Variants in TMUB2 observed in about 807,000 individuals in gnomAD.
TMUB2 encodes transmembrane and ubiquitin like domain containing 2.
A neutral mutation model predicts 20.2 loss-of-function variants in TMUB2; 19 were observed. The observed-to-expected ratio is 0.94, with a 90% CI of 0.66 to 1.38. The LOEUF (loss-of-function observed/expected upper bound fraction) is 1.38, where lower values mean the gene tolerates loss of function less well. TMUB2 is among the 40% of genes most tolerant of loss of function. The pLI is 0.00. For synonymous variants in TMUB2, 186 were observed against 166.0 expected, an observed-to-expected ratio of 1.12 and a Z score of -0.92; for missense variants, 426 against 402.5, an observed-to-expected ratio of 1.06 and a Z score of -0.50.
intron 3 of TMUB2, 114 bp from the exon 4 acceptor site, chr17:44,190,387 A>C: frequency 9.8e-7 from 1 of 1,015,702 alleles, no homozygotes; most frequent in Non-Finnish European, 1.4e-6. Context: ...AAGATGAGGG[A>C]AAAAAAAATC....
At chr17:44,187,152 C>T (rs1343925347) in intron 1 of TMUB2, 43 bp downstream of exon 1, 1 of 155,634 alleles carries the variant, frequency 6.4e-6, no homozygotes, top group African/African-American at 2.4e-5. Context: ...TCCAATCCCC[C>T]TTTAATTTCC....
chr17:44,190,182 T>TA (rs35026282), intron 3 of TMUB2: 5,055 of 189,224 alleles, frequency 0.027, 107 homozygotes, highest in African/African-American at 0.08. Flanking sequence ...CTGTCTCTAC[T>TA]AAAAAAAAAA....
In TMUB2 at chr17:44,191,616, T is replaced by C. The variant is rs1023068734; in HGVS notation, c.*752T>C. 4.8e-5 allele frequency: 47 copies of C among 985,788 alleles called. 1 individual carries two copies. In the Admixed American group the frequency reaches 2.5e-3, roughly 52 times the overall value. 61.1% of individuals were successfully genotyped at this position (985,788 alleles called of 1,614,324 possible). On this transcript the variant is annotated 3_prime_UTR_variant, in exon 4 of 4. Transcript: ENST00000538716. ...CAGCACTGGCCCTTGGCCAGCGTCC[T>C]ACCCTGCCCAACTCCAAGGACTGGG...
intron 2 of TMUB2, 104 bp from the exon 3 acceptor site, chr17:44,188,918 T>TG (rs1491090912): frequency 4.8e-6 from 1 of 208,298 alleles, no homozygotes. Flanking sequence ...ACTGAACTCC[T>TG]TTTTTTTTTT....
intron 2 of TMUB2, chr17:44,188,781 G>C (rs2054872645): frequency 2.0e-6 from 1 of 506,186 alleles, no homozygotes; most frequent in Non-Finnish European, 3.2e-6. Context: ...GGAAGTTGGA[G>C]TTTGAGAGAG....
intron 2 of TMUB2, among the ~76,000 whole-genome samples, chr17:44,188,400 C>T (rs1044201542): frequency 6.6e-6 from 1 of 152,144 alleles, no homozygotes; most frequent in Non-Finnish European, 1.5e-5. Context: ...TAGTATCTGC[C>T]CGCGGTCCCT....
In TMUB2 at chr17:44,190,871, AG is replaced by A; in HGVS notation, c.*9del. 6.3e-7 allele frequency: 1 copy of A among 1,595,960 alleles called. No individual in the cohort carries two copies. Among genetic ancestry groups the A allele is most frequent in the Non-Finnish European group, 8.5e-7 (1 of 1,169,790 alleles). On this transcript the variant is annotated 3_prime_UTR_variant, in exon 4 of 4. Transcript: ENST00000538716. ...TGGGATGTATGGACGATAAGGACAT[AG>A]GAAGAAAATGAAAGGCATGGTCTTT...
Position 44,190,739 on chromosome 17 carries a change from C to T in TMUB2, c.841C>T (p.Leu281=). 1 of 1,614,230 alleles carries T rather than the reference C, an allele frequency of 6.2e-7. No homozygotes were observed. Among genetic ancestry groups the T allele is most frequent in the Non-Finnish European group, 8.5e-7 (1 of 1,180,046 alleles). Residue 281 remains leucine, a synonymous_variant, in exon 4 of 4, where the codon CTG becomes TTG. Transcript: ENST00000538716. ...CCTCATGGTGCCTGTCTTTGTGGTG[C>T]TGTTGGGTGTGGTCTGGTACTTCCG... The part of the protein sequence containing the change: ...GSLMVPVFVV[L]LGVVWYFRIN...
intron 2 of TMUB2, 124 bp downstream of exon 2, chr17:44,187,867 G>A (rs1474487508): frequency 7.2e-6 from 5 of 690,310 alleles, no homozygotes; most frequent in Non-Finnish European, 1.4e-5. Context: ...TCTAACTCCA[G>A]GGCCGGTATA....
At position 44,189,522 on chromosome 17, in the gene TMUB2, A is replaced by T. The variant is rs1217454328; in HGVS notation, c.536A>T (p.Lys179Ile). 1 of 1,613,538 alleles carries T rather than the reference A, an allele frequency of 6.2e-7. No homozygotes were observed. Among genetic ancestry groups the T allele is most frequent in the African/African-American group, 1.3e-5 (1 of 74,854 alleles). The change falls in exon 3 of 4, where the codon AAA (lysine) becomes ATA (isoleucine). Residue 179 changes from lysine to isoleucine, a missense_variant. Lys to Ile is a moderately radical substitution (Grantham distance 102, BLOSUM62 -3). Coordinates refer to ENST00000538716, the MANE Select transcript of TMUB2 (RefSeq NM_001076674.3). Reference sequence around the variant, plus strand: ...CCTGGCCTCATCACTGTGCGGCTCAAATTCCTCAATGATACCGAGGAGCTG... The same window carrying T: ...CCTGGCCTCATCACTGTGCGGCTCATATTCCTCAATGATACCGAGGAGCTG... Reference protein sequence around the residue: ...PSPGLITVRLKFLNDTEELAV... With the variant: ...PSPGLITVRLIFLNDTEELAV...
In TMUB2 at chr17:44,191,124, A is replaced by G; in HGVS notation, c.*260A>G. ...CTTTTAGGGTCCTCTGAAGGAGTTC[A>G]AAGCTGCTGGCCAAGCTCAGTGGGG... On this transcript the variant is annotated 3_prime_UTR_variant, in exon 4 of 4. Coordinates refer to ENST00000538716, the MANE Select transcript of TMUB2 (RefSeq NM_001076674.3). 1 of 1,204,620 alleles carries G rather than the reference A, an allele frequency of 8.3e-7. No homozygotes were observed. Among genetic ancestry groups the G allele is most frequent in the Non-Finnish European group, 1.0e-6 (1 of 964,406 alleles). 74.6% of individuals were successfully genotyped at this position (1,204,620 alleles called of 1,614,324 possible).
chr17:44,190,370 AAG>A (rs2055325513), intron 3 of TMUB2, 129 bp from the exon 4 acceptor site: 4 of 862,316 alleles, frequency 4.6e-6, no homozygotes, highest in Non-Finnish European at 5.0e-6. Flanking sequence ...AAAAAAAAAA[AAG>A]GATAAAGATG....
At position 44,189,213 on chromosome 17, in the gene TMUB2, C is replaced by T. The variant is rs2054967859; in HGVS notation, c.227C>T (p.Thr76Ile). 3.7e-6 allele frequency: 6 copies of T among 1,613,910 alleles called. No individual in the cohort carries two copies. The highest frequency in any genetic ancestry group is 5.1e-6 in the Non-Finnish European group (6 of 1,179,852). ...LLGAIVSAGD[T>I]SVLHLGHVDH... is the part of the protein sequence containing the mutation. ...GGCGCTATTGTGTCAGCAGGCGACA[C>T]ATCCGTCCTCCACCTGGGGCATGTG... Residue 76 changes from threonine to isoleucine, a missense_variant, in exon 3 of 4, where the codon ACA becomes ATA. Coordinates refer to ENST00000538716, the MANE Select transcript of TMUB2 (RefSeq NM_001076674.3).
intron 2 of TMUB2, among the ~76,000 whole-genome samples, chr17:44,188,641 C>T (rs2054846294): frequency 6.6e-6 from 1 of 152,156 alleles, no homozygotes; most frequent in South Asian, 2.1e-4. Context: ...GGCATATTTG[C>T]TTGACCAAGC....
rs557319361 is a variant in TMUB2, at chr17:44,191,209, G to C, written c.*345G>C. On this transcript the variant is annotated 3_prime_UTR_variant, in exon 4 of 4. Coordinates refer to ENST00000538716, the MANE Select transcript of TMUB2 (RefSeq NM_001076674.3). ...TCTGACTCTTCCCAGTGTCCTGCAT[G>C]TCTGCCCCCAGCACCCAGGGCTGCC... 1 of 1,066,874 alleles carries C rather than the reference G, an allele frequency of 9.4e-7. No homozygotes were observed. The highest frequency in any genetic ancestry group is 1.7e-5 in the African/African-American group (1 of 59,876). The allele number at this position is 1,066,874 out of a possible 1,614,324, so 66.1% of individuals were successfully genotyped here.
At chr17:44,190,179 T>C (rs575618883) in intron 3 of TMUB2, 21 of 212,360 alleles carry the variant, frequency 9.9e-5, no homozygotes, top group Middle Eastern at 1.9e-3. Context: ...ACCCTGTCTC[T>C]ACTAAAAAAA....
At position 44,191,088 on chromosome 17, in the gene TMUB2, A is replaced by G; in HGVS notation, c.*224A>G. ...CAACTCAGGTAGAAATGAGGATGTC[A>G]TCTTCCTTCACTTTTAGGGTCCTCT... On this transcript the variant is annotated 3_prime_UTR_variant, in exon 4 of 4. Coordinates refer to ENST00000538716, the MANE Select transcript of TMUB2 (RefSeq NM_001076674.3). 1 of 1,324,690 alleles carries G rather than the reference A, an allele frequency of 7.5e-7. No individual in the cohort carries two copies. The highest frequency in any genetic ancestry group is 1.5e-5 in the African/African-American group (1 of 67,598). The allele number at this position is 1,324,690 out of a possible 1,614,324, so 82.1% of individuals were successfully genotyped here. A position where few individuals can be genotyped will look rare whatever the true frequency, so the allele number is the denominator to read the frequency against.
chr17:44,187,783 C>T (rs1039345949), intron 2 of TMUB2, 40 bp downstream of exon 2: 1 of 718,138 alleles, frequency 1.4e-6, no homozygotes, highest in African/African-American at 1.7e-5. Context: ...GATGAGAAAG[C>T]TGAGGCTCTG....
intron 2 of TMUB2, 189 bp from the exon 3 acceptor site, chr17:44,188,833 C>T (rs1363139018): frequency 3.2e-5 from 30 of 951,170 alleles, no homozygotes; most frequent in South Asian, 1.0e-4. Flanking sequence ...ACAATAGAGG[C>T]AAAGGGTAGG....
Sources: allele counts gnomAD v4.1 joint callset (sites outside exome capture counted in the v4.1 genomes callset), GRCh38; gene constraint gnomAD v4.1.1; transcripts MANE v1.5; gene names NCBI Gene and HGNC (gene_info 2026-07-23, HGNC 2026-07-21).